The following TBC1D4 variants were observed in gnomAD, a reference collection of about 807,000 sequenced individuals.
TBC1D4 encodes the protein TBC1 domain family member 4.
Under a neutral mutation model 142.5 loss-of-function variants are expected in TBC1D4, and 121 were observed. The observed-to-expected ratio is 0.85, with a 90% CI of 0.73 to 0.99. TBC1D4 has a LOEUF of 0.99. Ranked by LOEUF, TBC1D4 falls within the 50% of genes least tolerant of loss-of-function variation. TBC1D4 has a pLI of 0.00. For missense variants in TBC1D4, 1,475 were observed against 1,606.6 expected (o/e 0.92, Z 1.40); for synonymous variants, 630 against 628.2 (o/e 1.00, Z -0.04).
chr13:75,396,133 T>C (rs935355544), intron 1 of TBC1D4, among the ~76,000 whole-genome samples: 2 of 152,198 alleles, frequency 1.3e-5, no homozygotes, highest in Non-Finnish European at 2.9e-5. Flanking sequence ...TCCAGTTTCC[T>C]TCATTAAAAC....
At chr13:75,425,998 A>G (rs1886357791) in intron 1 of TBC1D4, among the ~76,000 whole-genome samples, 1 of 152,226 alleles carries the variant, frequency 6.6e-6, no homozygotes, top group South Asian at 2.1e-4. Flanking sequence ...AATGTGAGGT[A>G]ATGCATATCT....
At chr13:75,350,287 G>T (rs1413425166) in intron 4 of TBC1D4, among the ~76,000 whole-genome samples, 1 of 151,928 alleles carries the variant, frequency 6.6e-6, no homozygotes, top group Non-Finnish European at 1.5e-5. Context: ...TTCCCCTATG[G>T]CCTGATTTAA....
intron 1 of TBC1D4, among the ~76,000 whole-genome samples, chr13:75,399,417 A>G (rs1405691611): frequency 6.6e-6 from 1 of 152,108 alleles, no homozygotes; most frequent in Non-Finnish European, 1.5e-5. Flanking sequence ...AGGGGTGTCT[A>G]CTGGGCTTAT....
intron 1 of TBC1D4, among the ~76,000 whole-genome samples, chr13:75,370,998 GA>G (rs1330506066): frequency 2.0e-5 from 3 of 151,982 alleles, no homozygotes; most frequent in Non-Finnish European, 4.4e-5. Context: ...AAATATGAAT[GA>G]AAGAAAATAC....
At chr13:75,442,965 G>A (rs4597197) in intron 1 of TBC1D4, among the ~76,000 whole-genome samples, 88,485 of 152,066 alleles carry the variant, frequency 0.58, 30,445 homozygotes, top group Non-Finnish European at 0.73. Context: ...AAAGGCACCA[G>A]AGGTGATAAA....
chr13:75,346,125 C>A (rs1881125111), intron 5 of TBC1D4, among the ~76,000 whole-genome samples: 2 of 152,186 alleles, frequency 1.3e-5, no homozygotes, highest in Admixed American at 1.3e-4. Context: ...AAACTCTCTG[C>A]AACTTTTCTG....
chr13:75,309,410 CA>C (rs1877517924), intron 14 of TBC1D4, among the ~76,000 whole-genome samples: 1 of 151,650 alleles, frequency 6.6e-6, no homozygotes, highest in African/African-American at 2.4e-5. Context: ...AAAGCATTAA[CA>C]AAAAATAGGA....
At chr13:75,478,090 AC>A in intron 1 of TBC1D4, among the ~76,000 whole-genome samples, 1 of 152,186 alleles carries the variant, frequency 6.6e-6, no homozygotes, top group East Asian at 1.9e-4. Context: ...CCCACAACAG[AC>A]CCCCAAGCGA....
chr13:75,419,964 A>T (rs184571709), intron 1 of TBC1D4, among the ~76,000 whole-genome samples: 2 of 152,330 alleles, frequency 1.3e-5, no homozygotes, highest in Non-Finnish European at 2.9e-5. Flanking sequence ...AGGAAGCGGC[A>T]CTGGAGCTAG....
chr13:75,426,561 G>A (rs1486081633), intron 1 of TBC1D4, among the ~76,000 whole-genome samples: 1 of 152,106 alleles, frequency 6.6e-6, no homozygotes, highest in Non-Finnish European at 1.5e-5. Context: ...AGCAACACTG[G>A]TATGAGACTC....
At chr13:75,391,332 T>C (rs1313268427) in intron 1 of TBC1D4, among the ~76,000 whole-genome samples, 1 of 152,190 alleles carries the variant, frequency 6.6e-6, no homozygotes, top group Non-Finnish European at 1.5e-5. Flanking sequence ...AAGAGTTGCC[T>C]GCATTTGCTA....
At chr13:75,315,429 T>TATATATATATATAC (rs140234119) in intron 12 of TBC1D4, among the ~76,000 whole-genome samples, 1 of 146,262 alleles carries the variant, frequency 6.8e-6, no homozygotes, top group African/African-American at 2.5e-5. Context: ...CACACACATA[T>TATATATATATATAC]ATATATATAT....
rs576685667 is a variant in TBC1D4 at position 75,451,683 on chromosome 13, A to C, written c.498+29587T>G. Among the ~76,000 whole-genome samples the C allele has an allele frequency of 1.2e-4, 18 of 149,792 alleles. No individual in the cohort carries two copies. The East Asian group carries it at 2.7e-3, about 23-fold the overall frequency. The stretch of plus-strand genomic sequence containing the variant: ...TAATAGAACAAGTTCCTATCTCAAA[A>C]AAAAACTCCAAAAGCTTTTCTATGT... On this transcript the variant is annotated intron_variant, in intron 1 of 20. Transcript: ENST00000377636.
At chr13:75,294,288 T>C (rs1057420508) in intron 18 of TBC1D4, among the ~76,000 whole-genome samples, 1 of 152,188 alleles carries the variant, frequency 6.6e-6, no homozygotes, top group African/African-American at 2.4e-5. Flanking sequence ...CTCTACTGAC[T>C]GTACTTAGTG....
Position 75,362,711 on chromosome 13 carries a change from A to AAT in TBC1D4, c.499-106_499-105dup. The AAT allele has an allele frequency of 7.9e-7, 1 of 1,261,036 alleles. No individual in the cohort carries two copies. The highest frequency in any genetic ancestry group is 1.5e-5 in the African/African-American group (1 of 67,660). 78.1% of individuals were successfully genotyped at this position (1,261,036 alleles called of 1,614,324 possible). ...CATGGAATGTATTTTCATCCTAAAT[A>AAT]ATATACAAAGTAATAGACACTACAC... On this transcript the variant is annotated intron_variant, in intron 1 of 20. Coordinates refer to ENST00000377636, the MANE Select transcript of TBC1D4 (RefSeq NM_014832.5). This position sits in a 1 kb window ranked among gnomAD's most constrained non-coding sequence, Gnocchi z 4.2.
chr13:75,369,976 T>C (rs1883136771), intron 1 of TBC1D4, among the ~76,000 whole-genome samples: 1 of 152,006 alleles, frequency 6.6e-6, no homozygotes, highest in Non-Finnish European at 1.5e-5. Flanking sequence ...AGAAAAATAA[T>C]GCAGGGAAGG....
intron 1 of TBC1D4, among the ~76,000 whole-genome samples, chr13:75,380,255 T>C (rs1289962869): frequency 5.3e-5 from 8 of 151,768 alleles, no homozygotes; most frequent in Admixed American, 3.3e-4. Context: ...GTGGATCACC[T>C]GAGGTCAGGG....
chr13:75,427,915 G>A (rs1394196773), intron 1 of TBC1D4, among the ~76,000 whole-genome samples: 1 of 152,146 alleles, frequency 6.6e-6, no homozygotes, highest in Non-Finnish European at 1.5e-5. Context: ...ATACATGATG[G>A]ATTTCTGATA....
chr13:75,332,307 G>T (rs897308633), intron 8 of TBC1D4, among the ~76,000 whole-genome samples: 1 of 152,094 alleles, frequency 6.6e-6, no homozygotes. Flanking sequence ...GAGGCAAGTG[G>T]GTGTTAATAT....
Sources: gnomAD v4.1 joint callset for allele counts (sites outside exome capture counted in the v4.1 genomes callset) on GRCh38, gnomAD v4.1.1 for gene constraint, Gnocchi (gnomAD v3.1) non-coding constraint, MANE v1.5 for transcripts, NCBI Gene and HGNC (gene_info 2026-07-23, HGNC 2026-07-21) for gene names.